The following RAPGEF1 variants were observed in gnomAD, a reference collection of about 807,000 sequenced individuals.
RAPGEF1 encodes CRK SH3-binding GNRP.
RAPGEF1 carries 33 observed loss-of-function variants against 143.3 expected under a neutral mutation model. That is an observed-to-expected ratio of 0.23 (90% CI 0.17 to 0.31). The LOEUF (loss-of-function observed/expected upper bound fraction) is 0.31. Among genes scored for constraint, RAPGEF1 ranks in the 10% least tolerant of loss-of-function variants. The pLI, the probability that RAPGEF1 is intolerant of heterozygous loss-of-function variation, is 1.00. For missense variants in RAPGEF1, 1,199 were observed against 1,645.4 expected, an observed-to-expected ratio of 0.73 and a Z score of 4.69; for synonymous variants, 629 against 676.5, an observed-to-expected ratio of 0.93 and a Z score of 1.09.
At chr9:131,657,232 G>A (rs1215497019) in intron 1 of RAPGEF1, among the ~76,000 whole-genome samples, 1 of 152,198 alleles carries the variant, frequency 6.6e-6, no homozygotes, top group African/African-American at 2.4e-5. Context: ...AACGGCTCCA[G>A]ACAGGCAGGC....
At chr9:131,674,129 G>C (rs528967893) in intron 1 of RAPGEF1, among the ~76,000 whole-genome samples, 1 of 152,324 alleles carries the variant, frequency 6.6e-6, no homozygotes, top group Admixed American at 6.5e-5. Flanking sequence ...CACCACTGCA[G>C]AGCAGGGATT....
Position 131,650,847 on chromosome 9 carries a change from T to G in RAPGEF1, c.164A>C (p.Glu55Ala), listed in dbSNP as rs1293557486. 2 of 1,613,910 alleles carry G rather than the reference T, an allele frequency of 1.2e-6. No homozygotes were observed. ...CTTCTCTGGAATCTTTACGGACACC[T>G]CAGCTGGTTTTCCCTTCTTTGATGG... ...RTPSKKGKPA[E>A]VSVKIPEKPV... The change falls in exon 2 of 27, where the codon GAG (glutamate) becomes GCG (alanine). Residue 55 changes from glutamate (E) to alanine (A), a missense_variant. Around this residue, in one of 6 missense-constraint regions of RAPGEF1, gnomAD observed 613 missense variants for 710.9 expected, o/e 0.86. Coordinates refer to ENST00000683357, the MANE Select transcript of RAPGEF1 (RefSeq NM_001377935.1). The surrounding 1 kb of genome is among the most constrained non-coding windows in gnomAD (Gnocchi z 4.7).
At chr9:131,664,606 ATC>A (rs2130606397) in intron 1 of RAPGEF1, among the ~76,000 whole-genome samples, 1 of 152,336 alleles carries the variant, frequency 6.6e-6, no homozygotes, top group African/African-American at 2.4e-5. Context: ...CATTTGCCTT[ATC>A]CTACAATAAA....
intron 1 of RAPGEF1, among the ~76,000 whole-genome samples, chr9:131,685,025 T>C (rs1188137476): frequency 2.0e-5 from 3 of 152,164 alleles, no homozygotes; most frequent in Non-Finnish European, 4.4e-5. Context: ...AGTAATTTAA[T>C]GGTAGCTATG....
intron 1 of RAPGEF1, among the ~76,000 whole-genome samples, chr9:131,735,953 A>C (rs1221101510): frequency 1.3e-5 from 2 of 152,172 alleles, no homozygotes; most frequent in African/African-American, 4.8e-5. Context: ...ATATCTGTGG[A>C]CTGAATCCAG....
Position 131,728,262 on chromosome 9 carries a change from G to A in RAPGEF1, c.61+11508C>T, listed in dbSNP as rs149620137. Among the ~76,000 whole-genome samples, 887 of 152,252 alleles carry A rather than the reference G, an allele frequency of 5.8e-3. 13 individuals are homozygous for A. The highest frequency in any genetic ancestry group is 6.2e-3 in the Non-Finnish European group (419 of 68,022). ...GCAACTTGTAAGTTACTTTGTACAC[G>A]AGGACCTTGAATGTCTTGTGGTTTT... On this transcript the variant is annotated intron_variant, in intron 1 of 26. Coordinates refer to ENST00000683357, the MANE Select transcript of RAPGEF1 (RefSeq NM_001377935.1).
intron 1 of RAPGEF1, among the ~76,000 whole-genome samples, chr9:131,699,745 T>A (rs904374467): frequency 6.6e-6 from 1 of 152,184 alleles, no homozygotes; most frequent in Non-Finnish European, 1.5e-5. Context: ...GGAAGGTCTT[T>A]CGAGGTTTCT....
rs566734178 is a variant in RAPGEF1, at chr9:131,680,816, CTG to C, written c.62-29869_62-29868del. On this transcript the variant is annotated intron_variant, in intron 1 of 26. Transcript: ENST00000683357. ...TTTCCCACTTCACACCTCTATATTT[CTG>C]TGTGTGTGTCTTTAATTCCTCTAGC... is the stretch of plus-strand genomic sequence containing the variant. 1.2e-4 allele frequency among the ~76,000 whole-genome samples: 19 copies of C among 152,262 alleles called. No individual in the cohort carries two copies. In the East Asian group the frequency reaches 3.3e-3, roughly 26 times the overall value.
intron 9 of RAPGEF1, 126 bp downstream of exon 9, chr9:131,627,787 A>AT (rs2133025643): frequency 1.0e-6 from 1 of 977,532 alleles, no homozygotes; most frequent in African/African-American, 1.7e-5. Flanking sequence ...TGAGGCTCAG[A>AT]TTTTAAACAA....
chr9:131,588,214 G>A (rs1293246136), intron 20 of RAPGEF1, among the ~76,000 whole-genome samples, 188 bp from the exon 21 acceptor site: 1 of 152,216 alleles, frequency 6.6e-6, no homozygotes, highest in Non-Finnish European at 1.5e-5. Context: ...TCTCCGGGAC[G>A]ACACTGTCTG....
intron 15 of RAPGEF1, 32 bp from the exon 16 acceptor site, chr9:131,598,342 T>C (rs1260824556): frequency 6.3e-7 from 1 of 1,576,852 alleles, no homozygotes; most frequent in Admixed American, 1.7e-5. Flanking sequence ...GTTGCAAGTG[T>C]CAAACCGGCT....
At chr9:131,681,293 T>G (rs1344570872) in intron 1 of RAPGEF1, among the ~76,000 whole-genome samples, 1 of 152,124 alleles carries the variant, frequency 6.6e-6, no homozygotes, top group East Asian at 1.9e-4. Context: ...CAGTGACTGT[T>G]CAAGCAGCAC....
intron 12 of RAPGEF1, among the ~76,000 whole-genome samples, chr9:131,609,016 A>G (rs899875444): frequency 6.6e-6 from 1 of 152,114 alleles, no homozygotes; most frequent in African/African-American, 2.4e-5. Context: ...ACTTTTATTT[A>G]TAGCCAGAAT....
chr9:131,632,922 T>C (rs1025985681), intron 5 of RAPGEF1, among the ~76,000 whole-genome samples: 4 of 152,104 alleles, frequency 2.6e-5, no homozygotes, highest in Admixed American at 1.3e-4. Context: ...ATTAAATGCA[T>C]ATATCAAACT....
chr9:131,621,911 TG>T lies in RAPGEF1; in HGVS notation c.1789del (p.Gln597SerfsTer136). The T allele has an allele frequency of 6.2e-7, 1 of 1,613,758 alleles. No homozygotes were observed. The highest frequency in any genetic ancestry group is 8.5e-7 in the Non-Finnish European group (1 of 1,179,816). ...YQTPQNEHIY[Q>X]QKNKLLMEVY... ...CTCCATGAGGAGCTTGTTCTTCTGCTGGTAGATGTGCTCGTTCTGTGGCGTC... is the reference window on the plus strand; with the variant it reads ...CTCCATGAGGAGCTTGTTCTTCTGCTGTAGATGTGCTCGTTCTGTGGCGTC... On this transcript the variant is annotated frameshift_variant, in exon 11 of 27. Transcript: ENST00000683357. LOFTEE classifies it high-confidence loss of function. This position sits in a 1 kb window ranked among gnomAD's most constrained non-coding sequence, Gnocchi z 4.5.
chr9:131,697,483 T>C (rs907428123), intron 1 of RAPGEF1, among the ~76,000 whole-genome samples: 3 of 152,158 alleles, frequency 2.0e-5, no homozygotes, highest in African/African-American at 7.2e-5. Flanking sequence ...TTTTGACGCT[T>C]GAATTAGGAG....
At chr9:131,640,795 C>T (rs1350480457) in intron 4 of RAPGEF1, among the ~76,000 whole-genome samples, 1 of 152,064 alleles carries the variant, frequency 6.6e-6, no homozygotes, top group Admixed American at 6.5e-5. Flanking sequence ...CCTTCCAGCT[C>T]GCAAACTGCA....
chr9:131,633,201 G>T (rs1283681160), intron 5 of RAPGEF1, among the ~76,000 whole-genome samples: 1 of 152,202 alleles, frequency 6.6e-6, no homozygotes, highest in Non-Finnish European at 1.5e-5. Context: ...CATCTAGCTG[G>T]TGATTACAAA....
At position 131,621,871 on chromosome 9, in the gene RAPGEF1, G is replaced by C; in HGVS notation, c.1830C>G (p.Ser610Arg). ...CGGAGTCCACCCCACTGAAGGAGTCGCTGAAGCCGTATACCTCCATGAGGA... is the reference window on the plus strand; with the variant it reads ...CGGAGTCCACCCCACTGAAGGAGTCCCTGAAGCCGTATACCTCCATGAGGA... ...NKLLMEVYGF[S>R]DSFSGVDSVQ... The change falls in exon 11 of 27, where the codon AGC becomes AGG. Residue 610 changes from serine to arginine, a missense_variant. Physicochemically the swap from Ser to Arg is moderately radical, Grantham distance 110. Around this residue, in one of 6 missense-constraint regions of RAPGEF1, gnomAD observed 293 missense variants for 356.2 expected, o/e 0.82. Transcript: ENST00000683357. The surrounding 1 kb of genome is among the most constrained non-coding windows in gnomAD (Gnocchi z 4.5). 6.2e-7 allele frequency: 1 copy of C among 1,612,580 alleles called. No homozygotes were observed. The highest frequency in any genetic ancestry group is 8.5e-7 in the Non-Finnish European group (1 of 1,179,292).
Sources: allele counts gnomAD v4.1 joint callset (sites outside exome capture counted in the v4.1 genomes callset), GRCh38; gene constraint gnomAD v4.1.1; regional missense constraint gnomAD v4.1.1; non-coding constraint Gnocchi (gnomAD v3.1); transcripts MANE v1.5; gene names NCBI Gene and HGNC (gene_info 2026-07-23, HGNC 2026-07-21).